Variants in CAMK2D observed in about 807,000 individuals in gnomAD.
CAMK2D encodes calcium/calmodulin dependent protein kinase II delta.
A neutral mutation model predicts 84.0 loss-of-function variants in CAMK2D; 37 were observed. The observed-to-expected ratio is 0.44, with a 90% CI of 0.34 to 0.58. The LOEUF is 0.58. CAMK2D is among the 20% of genes least tolerant of loss of function. The pLI, the probability that CAMK2D is intolerant of heterozygous loss-of-function variation, is 0.02. For missense variants in CAMK2D, 448 were observed against 652.5 expected, an observed-to-expected ratio of 0.69 and a Z score of 3.41; for synonymous variants, 202 against 212.5, an observed-to-expected ratio of 0.95 and a Z score of 0.43.
chr4:113,753,431 G>A (rs1444368289), intron 2 of CAMK2D, among the ~76,000 whole-genome samples: 1 of 151,922 alleles, frequency 6.6e-6, no homozygotes, highest in Non-Finnish European at 1.5e-5. Flanking sequence ...GTCATTGTGT[G>A]TAATTACAAT....
intron 3 of CAMK2D, among the ~76,000 whole-genome samples, chr4:113,636,856 ACATT>A (rs1208879220): frequency 3.9e-5 from 6 of 152,200 alleles, no homozygotes; most frequent in Non-Finnish European, 8.8e-5. Flanking sequence ...GTGGGCACAA[ACATT>A]CAGTCCATAA....
chr4:113,630,797 G>A (rs1198832487), intron 3 of CAMK2D, among the ~76,000 whole-genome samples: 1 of 152,142 alleles, frequency 6.6e-6, no homozygotes, highest in Non-Finnish European at 1.5e-5. Context: ...GATGGGACAA[G>A]TCTACAAGCC....
intron 16 of CAMK2D, among the ~76,000 whole-genome samples, chr4:113,478,279 A>G (rs868429056): frequency 6.6e-6 from 1 of 152,244 alleles, no homozygotes; most frequent in Non-Finnish European, 1.5e-5. Flanking sequence ...AAATTCCTCA[A>G]TAACTTACAA....
intron 2 of CAMK2D, among the ~76,000 whole-genome samples, chr4:113,736,929 C>T (rs1357919244): frequency 6.6e-6 from 1 of 152,082 alleles, no homozygotes. Flanking sequence ...CCAATATGCG[C>T]ATTATGAAGA....
intron 2 of CAMK2D, among the ~76,000 whole-genome samples, chr4:113,747,382 A>G (rs1379846857): frequency 1.3e-5 from 2 of 150,670 alleles, no homozygotes; most frequent in East Asian, 3.9e-4. Flanking sequence ...TCAAATGTGT[A>G]TTCATTAATC....
At chr4:113,478,117 A>C (rs2097653639) in intron 16 of CAMK2D, among the ~76,000 whole-genome samples, 1 of 152,190 alleles carries the variant, frequency 6.6e-6, no homozygotes. Flanking sequence ...ATTAAAAAAA[A>C]ACTGGAGATA....
intron 4 of CAMK2D, among the ~76,000 whole-genome samples, chr4:113,583,917 G>T (rs2098822448): frequency 6.6e-6 from 1 of 152,186 alleles, no homozygotes; most frequent in African/African-American, 2.4e-5. Context: ...AAATGCCTGA[G>T]TGAAGGCCAC....
intron 3 of CAMK2D, among the ~76,000 whole-genome samples, chr4:113,632,524 G>A (rs542573031): frequency 1.3e-5 from 2 of 151,656 alleles, no homozygotes; most frequent in East Asian, 3.9e-4. Context: ...CGCCCGGCCT[G>A]TGTGTGTGTA....
At chr4:113,454,644 G>C in intron 20 of CAMK2D, 129 bp from the exon 21 acceptor site, 1 of 592,400 alleles carries the variant, frequency 1.7e-6, no homozygotes, top group South Asian at 2.1e-5. Flanking sequence ...AAAACACTAT[G>C]TATAAGAGAT....
intron 16 of CAMK2D, among the ~76,000 whole-genome samples, chr4:113,499,563 G>T (rs1564655634): frequency 6.6e-6 from 1 of 152,048 alleles, no homozygotes; most frequent in South Asian, 2.1e-4. Context: ...ACTACCTTTA[G>T]AATTAAAGCT....
intron 2 of CAMK2D, among the ~76,000 whole-genome samples, chr4:113,731,979 G>A (rs2099570146): frequency 6.6e-6 from 1 of 152,102 alleles, no homozygotes; most frequent in Admixed American, 6.5e-5. Flanking sequence ...AGGGCCATAG[G>A]AACCAGATCT....
intron 8 of CAMK2D, among the ~76,000 whole-genome samples, chr4:113,522,687 T>C (rs951300459): frequency 6.6e-6 from 1 of 152,176 alleles, no homozygotes; most frequent in Non-Finnish European, 1.5e-5. Context: ...GTACAATTAC[T>C]ATAAAAGAGC....
At chr4:113,725,741 G>GA (rs1250937383) in intron 2 of CAMK2D, among the ~76,000 whole-genome samples, 5 of 151,114 alleles carry the variant, frequency 3.3e-5, no homozygotes, top group African/African-American at 9.7e-5. Flanking sequence ...ACTGGATTTA[G>GA]AAAAAAAAAT....
intron 2 of CAMK2D, among the ~76,000 whole-genome samples, chr4:113,676,583 A>T (rs923965826): frequency 1.3e-5 from 2 of 152,190 alleles, no homozygotes; most frequent in South Asian, 2.1e-4. Context: ...AAAATATACC[A>T]TTCTGGCATA....
Position 113,502,953 on chromosome 4 carries a change from T to G in CAMK2D, c.1069A>C (p.Asn357His). The change falls in exon 15 of 21, where the codon AAC (asparagine) becomes CAC (histidine). Residue 357 changes from asparagine to histidine, a missense_variant. Physicochemically the swap from Asn to His is moderately conservative, Grantham distance 68. Coordinates refer to ENST00000511664, the MANE Select transcript of CAMK2D (RefSeq NM_001321571.2). ...CTGAATACCTTGTTTCCATCAGGGTTGTGGATTACAGTAGTTTGGGGCTCC... is the reference window on the plus strand; with the variant it reads ...CTGAATACCTTGTTTCCATCAGGGTGGTGGATTACAGTAGTTTGGGGCTCC... ...ALEPQTTVIHNPDGNKESTES... is the reference protein window; with the variant it reads ...ALEPQTTVIHHPDGNKESTES... The G allele has an allele frequency of 6.2e-7, 1 of 1,608,490 alleles. No homozygotes were observed. Among genetic ancestry groups the G allele is most frequent in the Admixed American group, 1.7e-5 (1 of 59,978 alleles).
chr4:113,546,896 A>G (rs918300285), intron 6 of CAMK2D, among the ~76,000 whole-genome samples: 1 of 152,164 alleles, frequency 6.6e-6, no homozygotes, highest in East Asian at 1.9e-4. Context: ...TTTCTAAATG[A>G]TCTAAAAATT....
At chr4:113,474,750 G>A (rs1321132129) in intron 16 of CAMK2D, among the ~76,000 whole-genome samples, 6 of 152,016 alleles carry the variant, frequency 3.9e-5, no homozygotes, top group South Asian at 4.2e-4. Flanking sequence ...GGGTTCAAGC[G>A]ATTCTCCTGT....
intron 2 of CAMK2D, among the ~76,000 whole-genome samples, chr4:113,682,647 A>G (rs2099349117): frequency 6.6e-6 from 1 of 152,086 alleles, no homozygotes. Context: ...ATAATCTCCA[A>G]TCTTTCTCAC....
chr4:113,486,482 T>C (rs1383471989), intron 16 of CAMK2D, among the ~76,000 whole-genome samples: 1 of 152,144 alleles, frequency 6.6e-6, no homozygotes, highest in Non-Finnish European at 1.5e-5. Context: ...TCAGTTTTAA[T>C]ATATTGCAGA....
Sources: gnomAD v4.1 joint callset for allele counts (sites outside exome capture counted in the v4.1 genomes callset) on GRCh38, gnomAD v4.1.1 for gene constraint, MANE v1.5 for transcripts, NCBI Gene and HGNC (gene_info 2026-07-23, HGNC 2026-07-21) for gene names.